CLCN1: variants seen among roughly 807,000 people sequenced by gnomAD.
CLCN1 encodes the protein chloride channel protein 1.
Under a neutral mutation model 114.5 loss-of-function variants are expected in CLCN1, and 100 were observed. That is an observed-to-expected ratio of 0.87 (90% CI 0.74 to 1.03). The LOEUF is 1.03. CLCN1 is among the 50% of genes least tolerant of loss of function. The pLI is 0.00. For synonymous variants in CLCN1, 485 were observed against 487.1 expected (o/e 1.00, Z 0.06); for missense variants, 1,188 against 1,250.0 (o/e 0.95, Z 0.75).
At chr7:143,349,957 A>G in intron 20 of CLCN1, among the ~76,000 whole-genome samples, 1 of 152,232 alleles carries the variant, frequency 6.6e-6, no homozygotes, top group East Asian at 1.9e-4. Context: ...AAGGAACTCC[A>G]GATGGTCAGA....
chr7:143,331,430 TG>T, intron 9 of CLCN1, 114 bp downstream of exon 9: 1 of 1,106,132 alleles, frequency 9.0e-7, no homozygotes, highest in Non-Finnish European at 1.4e-6. Context: ...AGTACATTGC[TG>T]GGGGGATGTG....
At chr7:143,330,636 A>C in intron 7 of CLCN1, 136 bp from the exon 8 acceptor site, 1 of 1,160,498 alleles carries the variant, frequency 8.6e-7, no homozygotes, top group Non-Finnish European at 1.3e-6. Flanking sequence ...TGGGAATCCA[A>C]GAGATCATTA....
At chr7:143,322,708 G>A (rs1802474071) in intron 5 of CLCN1, among the ~76,000 whole-genome samples, 1 of 152,244 alleles carries the variant, frequency 6.6e-6, no homozygotes, top group South Asian at 2.1e-4. Context: ...TTTTAGTGGA[G>A]ATAGGGTTTC....
intron 1 of CLCN1, 106 bp from the exon 2 acceptor site, chr7:143,319,649 T>A: frequency 8.1e-7 from 1 of 1,240,222 alleles, no homozygotes; most frequent in South Asian, 1.2e-5. Flanking sequence ...CACCCAGAAT[T>A]CAAAAAGCTG....
At chr7:143,332,397 G>A (rs757378927) in intron 10 of CLCN1, 22 bp from the exon 11 acceptor site, 7 of 1,597,940 alleles carry the variant, frequency 4.4e-6, no homozygotes, top group Non-Finnish European at 6.0e-6. Context: ...AATTGTGGCG[G>A]TTAACTCTGT....
intron 16 of CLCN1, 72 bp downstream of exon 16, chr7:143,342,577 C>T: frequency 6.5e-7 from 1 of 1,535,422 alleles, no homozygotes. Context: ...TAGAGGAGGC[C>T]CCATGGTGGG....
At chr7:143,330,672 T>G in intron 7 of CLCN1, 100 bp from the exon 8 acceptor site, 1 of 1,507,836 alleles carries the variant, frequency 6.6e-7, no homozygotes, top group Non-Finnish European at 9.2e-7. Flanking sequence ...TCCACCCAGA[T>G]TCATGTTTCA....
At position 143,350,298 on chromosome 7, in the gene CLCN1, T is replaced by G; in HGVS notation, c.2404-74T>G. The G allele has an allele frequency of 3.4e-6, 4 of 1,193,582 alleles. No homozygotes were observed. The highest frequency in any genetic ancestry group is 4.9e-6 in the Non-Finnish European group (4 of 812,794). 73.9% of individuals were successfully genotyped at this position (1,193,582 alleles called of 1,614,324 possible). A position where few individuals can be genotyped will look rare whatever the true frequency, so the allele number is the denominator to read the frequency against. On this transcript the variant is annotated intron_variant, in intron 20 of 22. Transcript: ENST00000343257. The surrounding 1 kb of genome is among the most constrained non-coding windows in gnomAD (Gnocchi z 5.1). ...TCTGGGCAGCGGCTAGGAGGGCCGT[T>G]TGGGGTCAAAATCAGGTATCTGGGG...
chr7:143,319,852 A>G lies in CLCN1; in HGVS notation c.278A>G (p.Glu93Gly), dbSNP rs1452161083. 1.2e-6 allele frequency: 2 copies of G among 1,613,792 alleles called. No individual in the cohort carries two copies. The highest frequency in any genetic ancestry group is 1.7e-6 in the Non-Finnish European group (2 of 1,179,784). Residue 93 changes from glutamate (E) to glycine (G), a missense_variant, in exon 2 of 23, where the codon GAG becomes GGG. Glu to Gly is a moderately conservative substitution (Grantham distance 98). Transcript: ENST00000343257. ...AGTTCTACCGTGGACAGCAAGGATGAGGATCACTATTCTAAATGTCAAGGT... is the reference window on the plus strand; with the variant it reads ...AGTTCTACCGTGGACAGCAAGGATGGGGATCACTATTCTAAATGTCAAGGT... ...GSSSTVDSKDEDHYSKCQDCI... is the reference protein window; with the variant it reads ...GSSSTVDSKDGDHYSKCQDCI...
At chr7:143,329,957 C>A (rs1312848728) in intron 7 of CLCN1, among the ~76,000 whole-genome samples, 6 of 151,930 alleles carry the variant, frequency 3.9e-5, no homozygotes, top group Admixed American at 2.6e-4. Flanking sequence ...CCCTACCAAC[C>A]CTTGCTCTTT....
intron 7 of CLCN1, among the ~76,000 whole-genome samples, chr7:143,329,989 A>G (rs1466433845): frequency 6.6e-6 from 1 of 151,834 alleles, no homozygotes; most frequent in Admixed American, 6.6e-5. Flanking sequence ...TACCCCCTCA[A>G]TTTCTGCTCC....
At position 143,341,993 on chromosome 7, in the gene CLCN1, A is replaced by G; in HGVS notation, c.1647A>G (p.Leu549=). The change falls in exon 15 of 23, where the codon TTA becomes TTG. Residue 549 remains leucine, a synonymous_variant. Coordinates refer to ENST00000343257, the MANE Select transcript of CLCN1 (RefSeq NM_000083.3). The part of the protein sequence containing the change: ...TVSTAVICFE[L]TGQIAHILPM... ...CCACAGCTGTGATTTGCTTCGAATT[A>G]ACGGGTCAGATTGCTCACATCCTGC... 7 of 1,614,198 alleles carry G rather than the reference A, an allele frequency of 4.3e-6. No individual in the cohort carries two copies. The highest frequency in any genetic ancestry group is 5.9e-6 in the Non-Finnish European group (7 of 1,180,046).
chr7:143,327,221 C>T (rs10279341), intron 7 of CLCN1, among the ~76,000 whole-genome samples: 107,749 of 150,806 alleles, frequency 0.71, 40,683 homozygotes, highest in Non-Finnish European at 0.83. Flanking sequence ...GCACTCCAGT[C>T]CGGGCAACAG....
At position 143,350,665 on chromosome 7, in the gene CLCN1, T is replaced by C. The variant is rs1803371200; in HGVS notation, c.2595+11T>C. 2.5e-6 allele frequency: 4 copies of C among 1,608,520 alleles called. No individual in the cohort carries two copies. In the South Asian group the frequency reaches 4.4e-5, roughly 18 times the overall value. On this transcript the variant is annotated intron_variant, in intron 22 of 22. Coordinates refer to ENST00000343257, the MANE Select transcript of CLCN1 (RefSeq NM_000083.3). The surrounding 1 kb of genome is among the most constrained non-coding windows in gnomAD (Gnocchi z 5.1). ...CTGGCCCTGGAGGAGGTAATCACGA[T>C]GTGTCCCATTTGAGCAGCAGGAGGG... is the stretch of plus-strand genomic sequence containing the variant.
rs56307536 is a variant in CLCN1, at chr7:143,321,381, C to T, written c.450C>T (p.Tyr150=). The T allele has an allele frequency of 1.8e-3, 2,829 of 1,614,206 alleles. 37 individuals are homozygous for T. The African/African-American group carries it at 0.032, about 18-fold the overall frequency. Residue 150 remains tyrosine (Y), a synonymous_variant, in exon 4 of 23, where the codon TAC becomes TAT. Coordinates refer to ENST00000343257, the MANE Select transcript of CLCN1 (RefSeq NM_000083.3). The surrounding 1 kb of genome is among the most constrained non-coding windows in gnomAD (Gnocchi z 4.2). ...TCTCCGCAGCCTACAAGTGGTCCTA[C>T]GCGCAGATGCAGCCCAGCCTTCCTC... is the stretch of plus-strand genomic sequence containing the variant. ...AKSLQAYKWS[Y]AQMQPSLPLQ... is the part of the protein sequence containing the mutation.
In CLCN1 at chr7:143,350,135, G is replaced by T. The variant is rs569726355; in HGVS notation, c.2404-237G>T. On this transcript the variant is annotated intron_variant, in intron 20 of 22. Transcript: ENST00000343257. The surrounding 1 kb of genome is among the most constrained non-coding windows in gnomAD (Gnocchi z 5.1). ...GAGAGTTGGAGCCTAGAAGAGGGAG[G>T]GGTGTTCTGGGTACCTGGGGGTTGC... Among the ~76,000 whole-genome samples, 3 of 152,154 alleles carry T rather than the reference G, an allele frequency of 2.0e-5. No homozygotes were observed. Among genetic ancestry groups the T allele is most frequent in the East Asian group, 3.9e-4 (2 of 5,174 alleles).
At chr7:143,327,017 G>A (rs1160724427) in intron 7 of CLCN1, among the ~76,000 whole-genome samples, 1 of 152,150 alleles carries the variant, frequency 6.6e-6, no homozygotes, top group African/African-American at 2.4e-5. Context: ...GGAGGCCAAG[G>A]CAGGCGGATC....
rs34219073 is a variant in CLCN1, at chr7:143,339,687, T to C, written c.1582+66T>C. The C allele has an allele frequency of 0.09, 86,441 of 958,140 alleles. 5,864 individuals carry two copies. The highest frequency in any genetic ancestry group is 0.25 in the East Asian group (10,348 of 41,852). The allele number at this position is 958,140 out of a possible 1,614,324, so 59.4% of individuals were successfully genotyped here. A position where few individuals can be genotyped will look rare whatever the true frequency, so the allele number is the denominator to read the frequency against. Reference sequence around the variant, plus strand: ...ACTTCAGATCCCCACACTTAAACTCTCCCATTGGATCTTCATTCTAGGCTA... The same window carrying C: ...ACTTCAGATCCCCACACTTAAACTCCCCCATTGGATCTTCATTCTAGGCTA... On this transcript the variant is annotated intron_variant, in intron 14 of 22. Coordinates refer to ENST00000343257, the MANE Select transcript of CLCN1 (RefSeq NM_000083.3). The surrounding 1 kb of genome is among the most constrained non-coding windows in gnomAD (Gnocchi z 4.1).
intron 18 of CLCN1, 102 bp downstream of exon 18, chr7:143,346,353 T>TGG (rs1314526548): frequency 2.8e-6 from 2 of 703,546 alleles, no homozygotes; most frequent in Admixed American, 4.2e-5. Context: ...CGGGGTGGGG[T>TGG]GGGGGGTGAG....
Sources: allele counts gnomAD v4.1 joint callset (sites outside exome capture counted in the v4.1 genomes callset), GRCh38; gene constraint gnomAD v4.1.1; non-coding constraint Gnocchi (gnomAD v3.1); transcripts MANE v1.5; gene names NCBI Gene and HGNC (gene_info 2026-07-23, HGNC 2026-07-21).